The following MAF variants were observed in gnomAD, a reference collection of about 807,000 sequenced individuals.
The protein encoded by MAF is transcription factor Maf.
In MAF, 10 loss-of-function variants were observed where a neutral mutation model predicts 22.0. The observed-to-expected ratio is 0.45, with a 90% CI of 0.28 to 0.77. The LOEUF (loss-of-function observed/expected upper bound fraction) is 0.77, where lower values mean the gene tolerates loss of function less well. MAF is among the 30% of genes least tolerant of loss of function. The pLI is 0.12. For missense variants in MAF, 544 were observed against 548.4 expected (o/e 0.99, Z 0.08); for synonymous variants, 337 against 255.8 (o/e 1.32, Z -3.03).
At chr16:79,570,369 C>G in the MAF span, among the ~76,000 whole-genome samples, 1 of 151,806 alleles carries the variant, frequency 6.6e-6, no homozygotes, top group African/African-American at 2.4e-5. Flanking sequence ...AAGCCATTTC[C>G]TTATTAACCC....
the MAF span, among the ~76,000 whole-genome samples, chr16:79,457,593 T>C: frequency 1.3e-5 from 2 of 152,150 alleles, no homozygotes; most frequent in Admixed American, 6.5e-5. Flanking sequence ...GAGCCAGCCG[T>C]CCAATAAATT....
chr16:79,535,059 T>G, the MAF span, among the ~76,000 whole-genome samples: 1 of 152,328 alleles, frequency 6.6e-6, no homozygotes, highest in South Asian at 2.1e-4. Context: ...GGTGAAACCT[T>G]CATTGACTTA....
the MAF span, chr16:79,212,447 A>G: frequency 3.3e-5 from 9 of 271,964 alleles, no homozygotes; most frequent in East Asian, 1.3e-4. Context: ...TTTAGAGATT[A>G]TAACAAATTT....
the MAF span, among the ~76,000 whole-genome samples, chr16:79,401,980 G>C: frequency 2.0e-5 from 3 of 152,168 alleles, no homozygotes; most frequent in African/African-American, 7.2e-5. Flanking sequence ...CCATTTTATA[G>C]ATGAGGACCC....
At chr16:79,499,313 A>G in the MAF span, among the ~76,000 whole-genome samples, 5 of 152,310 alleles carry the variant, frequency 3.3e-5, no homozygotes, top group African/African-American at 9.6e-5. Context: ...AGTAAGCACC[A>G]TCTGGGACAC....
At chr16:79,402,986 T>G in the MAF span, among the ~76,000 whole-genome samples, 2 of 152,090 alleles carry the variant, frequency 1.3e-5, no homozygotes, top group African/African-American at 4.8e-5. Context: ...TGTTCTGGCA[T>G]GGAGAGGGGC....
the MAF span, among the ~76,000 whole-genome samples, chr16:79,302,013 C>T: frequency 1.3e-5 from 2 of 152,256 alleles, no homozygotes; most frequent in Non-Finnish European, 2.9e-5. Flanking sequence ...CACCGCCTCT[C>T]ACAGATAGGC....
chr16:79,417,245 G>C, the MAF span, among the ~76,000 whole-genome samples: 1 of 152,014 alleles, frequency 6.6e-6, no homozygotes, highest in Non-Finnish European at 1.5e-5. Flanking sequence ...TCCATCTTGA[G>C]GTCATTAAAA....
the MAF span, among the ~76,000 whole-genome samples, chr16:79,442,057 G>A: frequency 2.0e-4 from 30 of 152,322 alleles, no homozygotes; most frequent in African/African-American, 7.2e-4. Flanking sequence ...AGAGGAATGG[G>A]ATGGGCTATC....
chr16:79,252,128 A>C, the MAF span, among the ~76,000 whole-genome samples: 1 of 152,248 alleles, frequency 6.6e-6, no homozygotes, highest in Non-Finnish European at 1.5e-5. Flanking sequence ...TCTGTCAGGC[A>C]GGACTGGCAA....
chr16:79,592,694 A>G (rs1913256747), downstream of MAF, among the ~76,000 whole-genome samples: 2 of 152,232 alleles, frequency 1.3e-5, no homozygotes, highest in South Asian at 4.1e-4. Context: ...AGGAAGGCAC[A>G]GGACCAAATT....
chr16:79,236,552 A>G, the MAF span, among the ~76,000 whole-genome samples: 1 of 152,064 alleles, frequency 6.6e-6, no homozygotes, highest in Non-Finnish European at 1.5e-5. Flanking sequence ...TTCAAAACAT[A>G]AAGTACATCT....
intron 1 of MAF, 181 bp downstream of exon 1, chr16:79,598,604 G>GTT (rs1555529714): frequency 2.7e-5 from 41 of 1,494,870 alleles, no homozygotes; most frequent in Middle Eastern, 4.7e-4. Context: ...GTGTGTGTGT[G>GTT]TGTGTGGTGT....
At chr16:79,253,879 C>T in the MAF span, among the ~76,000 whole-genome samples, 15 of 152,156 alleles carry the variant, frequency 9.9e-5, no homozygotes, top group African/African-American at 3.6e-4. Flanking sequence ...TCTTTTCCTT[C>T]CTTATTTTCT....
chr16:79,336,183 AG>A, the MAF span, among the ~76,000 whole-genome samples: 5 of 152,250 alleles, frequency 3.3e-5, no homozygotes, highest in African/African-American at 1.2e-4. Flanking sequence ...CTCATCTAAA[AG>A]TGAGAATCGT....
chr16:79,380,260 T>A, the MAF span, among the ~76,000 whole-genome samples: 1 of 152,232 alleles, frequency 6.6e-6, no homozygotes, highest in South Asian at 2.1e-4. Flanking sequence ...TAGCTGCTTA[T>A]TGACTGTGAA....
At chr16:79,558,210 A>T in the MAF span, among the ~76,000 whole-genome samples, 2 of 152,130 alleles carry the variant, frequency 1.3e-5, no homozygotes, top group African/African-American at 4.8e-5. Flanking sequence ...AGCCGGAAAG[A>T]GTGTGAAAGA....
the MAF span, among the ~76,000 whole-genome samples, chr16:79,316,741 T>C: frequency 6.6e-6 from 1 of 151,976 alleles, no homozygotes; most frequent in East Asian, 1.9e-4. Flanking sequence ...CCTTACAGAG[T>C]TCCCCTGGAG....
At chr16:79,306,325 C>A in the MAF span, among the ~76,000 whole-genome samples, 2 of 152,190 alleles carry the variant, frequency 1.3e-5, no homozygotes, top group African/African-American at 2.4e-5. Flanking sequence ...GCAACAGTAC[C>A]ACCCTCACAG....
Sources: gnomAD v4.1 joint callset for allele counts (sites outside exome capture counted in the v4.1 genomes callset) on GRCh38, gnomAD v4.1.1 for gene constraint, MANE v1.5 for transcripts, NCBI Gene and HGNC (gene_info 2026-07-23, HGNC 2026-07-21) for gene names.